AIPL1: variants seen among roughly 807,000 people sequenced by gnomAD.
AIPL1 encodes aryl-hydrocarbon-interacting protein-like 1.
Under a neutral mutation model 32.9 loss-of-function variants are expected in AIPL1, and 23 were observed. The observed-to-expected ratio is 0.70, with a 90% CI of 0.50 to 0.99. The LOEUF (loss-of-function observed/expected upper bound fraction) is 0.99. AIPL1 is among the 50% of genes least tolerant of loss of function. The probability of loss-of-function intolerance (pLI) is 0.00; values close to 1 mark genes in which losing one functional copy is unlikely to be tolerated. For synonymous variants in AIPL1, 210 were observed against 209.4 expected (o/e 1.00, Z -0.02); for missense variants, 485 against 506.0 (o/e 0.96, Z 0.40).
intron 2 of AIPL1, 66 bp downstream of exon 2, chr17:6,433,853 C>T (rs117325136): frequency 2.0e-5 from 32 of 1,563,984 alleles, no homozygotes; most frequent in Admixed American, 9.1e-5. Context: ...ACAGCAGCCC[C>T]GCAAAGCGGG....
intron 2 of AIPL1, among the ~76,000 whole-genome samples, chr17:6,428,895 G>A (rs1912278733): frequency 6.6e-6 from 1 of 152,128 alleles, no homozygotes. Context: ...TCTGCCCCAG[G>A]GAAACCCTGA....
At chr17:6,429,272 C>A (rs1055161783) in intron 2 of AIPL1, among the ~76,000 whole-genome samples, 1 of 152,190 alleles carries the variant, frequency 6.6e-6, no homozygotes, top group African/African-American at 2.4e-5. Context: ...GAGAACCCAT[C>A]TCCTTGGACC....
intron 1 of AIPL1, 25 bp from the exon 2 acceptor site, chr17:6,434,123 G>A (rs1169344395): frequency 6.2e-7 from 1 of 1,609,192 alleles, no homozygotes; most frequent in South Asian, 1.1e-5. Flanking sequence ...GGTGCACTCT[G>A]CTCTAGACAC....
Position 6,425,632 on chromosome 17 carries a change from C to T in AIPL1, c.983G>A (p.Ser328Asn). ...EERLRCRNML[S>N]QGATQPPAEP... ...TGCGGGAGGCTGCGTGGCACCCTGG[C>T]TCAGCATGTTCCGGCAGCGCAGCCG... Residue 328 changes from serine to asparagine, a missense_variant, in exon 6 of 6, where the codon AGC becomes AAC. Coordinates refer to ENST00000381129, the MANE Select transcript of AIPL1 (RefSeq NM_014336.5). 1.2e-6 allele frequency: 2 copies of T among 1,612,908 alleles called. No individual in the cohort carries two copies. Among genetic ancestry groups the T allele is most frequent in the Non-Finnish European group, 1.7e-6 (2 of 1,179,908 alleles).
In AIPL1 at chr17:6,423,866, C is replaced by T. The variant is rs1487700678; in HGVS notation, c.*1594G>A. Reference sequence around the variant, plus strand: ...ACAAGGAAGATGGAAAAGTAAAGTACATCAGAACTTTAGGGATACAGTTAG... The same window carrying T: ...ACAAGGAAGATGGAAAAGTAAAGTATATCAGAACTTTAGGGATACAGTTAG... On this transcript the variant is annotated 3_prime_UTR_variant, in exon 6 of 6. Transcript: ENST00000381129. 1.3e-5 allele frequency: 2 copies of T among 152,268 alleles called. No homozygotes were observed. The highest frequency in any genetic ancestry group is 4.8e-5 in the African/African-American group (2 of 41,464). 9.4% of individuals were successfully genotyped at this position (152,268 alleles called of 1,614,324 possible). A position where few individuals can be genotyped will look rare whatever the true frequency, so the allele number is the denominator to read the frequency against.
At chr17:6,433,563 C>T (rs1239524691) in intron 2 of AIPL1, among the ~76,000 whole-genome samples, 1 of 145,494 alleles carries the variant, frequency 6.9e-6, no homozygotes, top group African/African-American at 2.6e-5. Flanking sequence ...TGCACTCCAG[C>T]CTGGGTGACA....
chr17:6,428,459 G>T lies in AIPL1; in HGVS notation c.324C>A (p.Ala108=). ...GCCACTCTGTGGGGTCCTTGCCCTG[G>T]GCCATCTGCCTCAGGCTCCGGGATA... ...PILSRSLRQM[A]QGKDPTEWHV... is the part of the protein sequence containing the mutation. Residue 108 remains alanine, a synonymous_variant, in exon 3 of 6, where the codon GCC becomes GCA. Transcript: ENST00000381129. 6.2e-7 allele frequency: 1 copy of T among 1,614,008 alleles called. No homozygotes were observed. The highest frequency in any genetic ancestry group is 8.5e-7 in the Non-Finnish European group (1 of 1,180,042).
rs1367481239 is a variant in AIPL1, at chr17:6,427,002, T to G, written c.521A>C (p.Lys174Thr). ...RETWNLSNHE[K>T]MKAVPVLHGE... ...GTGGAGGACGGGCACCGCCTTCATC[T>G]TCTCATGATTGCTCAGGTTCCAGGT... is the stretch of plus-strand genomic sequence containing the variant. The change falls in exon 4 of 6, where the codon AAG (lysine) becomes ACG (threonine). Residue 174 changes from lysine (K) to threonine (T), a missense_variant. Physicochemically the swap from Lys to Thr is moderately conservative, Grantham distance 78 (BLOSUM62 -1). Coordinates refer to ENST00000381129, the MANE Select transcript of AIPL1 (RefSeq NM_014336.5). 6.2e-7 allele frequency: 1 copy of G among 1,614,220 alleles called. No individual in the cohort carries two copies. The highest frequency in any genetic ancestry group is 2.2e-5 in the East Asian group (1 of 44,872).
In AIPL1 at chr17:6,430,086, T is replaced by C. The variant is rs575974085; in HGVS notation, c.277-1580A>G. On this transcript the variant is annotated intron_variant, in intron 2 of 5. Transcript: ENST00000381129. ...GTGTGTGTGTGTGTGTGTGTGTGTG[T>C]GCATGCGTACATGCACACAATCACG... Among the ~76,000 whole-genome samples, 12 of 139,332 alleles carry C rather than the reference T, an allele frequency of 8.6e-5. No individual in the cohort carries two copies. The East Asian group carries it at 1.8e-3, about 20-fold the overall frequency. The allele number at this position is 139,332 out of a possible 152,430, so 91.4% of individuals were successfully genotyped here.
chr17:6,429,831 GATAGATAGATAGA>G (rs759862464), intron 2 of AIPL1, among the ~76,000 whole-genome samples: 4,352 of 117,178 alleles, frequency 0.037, 121 homozygotes, highest in South Asian at 0.12. Flanking sequence ...TAGGTAGATA[GATAGATAGATAGA>G]TAGATAGATA....
In AIPL1 at chr17:6,426,754, C is replaced by T. The variant is rs1297434866; in HGVS notation, c.645G>A (p.Glu215=). The change falls in exon 5 of 6, where the codon GAG becomes GAA. Residue 215 remains glutamate, a splice_region_variant and synonymous_variant. Coordinates refer to ENST00000381129, the MANE Select transcript of AIPL1 (RefSeq NM_014336.5). ...TCAGCCACTGCACCTCCCATGGCTT[C>T]TCCTGCCCAGGGAGAAGGTCAGCCA... is the stretch of plus-strand genomic sequence containing the variant. The part of the protein sequence containing the change: ...IICLRNLQTK[E]KPWEVQWLKL... 3 of 1,613,454 alleles carry T rather than the reference C, an allele frequency of 1.9e-6. No homozygotes were observed. Among genetic ancestry groups the T allele is most frequent in the Admixed American group, 1.7e-5 (1 of 60,002 alleles).
rs1442681009 is a variant in AIPL1 at position 6,434,023 on chromosome 17, G to A, written c.172C>T (p.Pro58Ser). Residue 58 changes from proline (P) to serine (S), a missense_variant, in exon 2 of 6, where the codon CCC (proline) becomes TCC (serine). Transcript: ENST00000381129. Reference sequence around the variant, plus strand: ...ATGTTTCCGATGATGATGTGCATGGGCTGGCCCACCTGCCGACTGTCGTCA... The same window carrying A: ...ATGTTTCCGATGATGATGTGCATGGACTGGCCCACCTGCCGACTGTCGTCA... Reference protein sequence around the residue: ...VIDDSRQVGQPMHIIIGNMFK... With the variant: ...VIDDSRQVGQSMHIIIGNMFK... 6.2e-7 allele frequency: 1 copy of A among 1,613,990 alleles called. No homozygotes were observed. The highest frequency in any genetic ancestry group is 8.5e-7 in the Non-Finnish European group (1 of 1,180,018).
intron 2 of AIPL1, among the ~76,000 whole-genome samples, chr17:6,432,437 C>T (rs992490929): frequency 1.3e-5 from 2 of 151,842 alleles, no homozygotes; most frequent in African/African-American, 2.4e-5. Context: ...ACTTGAGAGA[C>T]GCATCAACAA....
Position 6,425,471 on chromosome 17 carries a change from G to T in AIPL1, c.1144C>A (p.Leu382Met). 1 of 1,598,550 alleles carries T rather than the reference G, an allele frequency of 6.3e-7. No homozygotes were observed. The change falls in exon 6 of 6, where the codon CTG becomes ATG. Residue 382 changes from leucine (L) to methionine (M), a missense_variant. Coordinates refer to ENST00000381129, the MANE Select transcript of AIPL1 (RefSeq NM_014336.5). ...GGGCCTCAGGGGGCTCAGTGCTGCA[G>T]CGAGTGCCCTGGGGACGGGGGTGGC... ...TEPPPSPGHS[L>M]QH
rs1460234705 is a variant in AIPL1 at position 6,425,071 on chromosome 17, C to G, written c.*389G>C. Reference sequence around the variant, plus strand: ...GAGATGACCCCCAAATGTAACTATCCAAAATGGGGAGACAGGGAGGGGTAT... The same window carrying G: ...GAGATGACCCCCAAATGTAACTATCGAAAATGGGGAGACAGGGAGGGGTAT... On this transcript the variant is annotated 3_prime_UTR_variant, in exon 6 of 6. Coordinates refer to ENST00000381129, the MANE Select transcript of AIPL1 (RefSeq NM_014336.5). 1.8e-5 allele frequency: 3 copies of G among 167,784 alleles called. No homozygotes were observed. Among genetic ancestry groups the G allele is most frequent in the African/African-American group, 7.2e-5 (3 of 41,790 alleles). The allele number at this position is 167,784 out of a possible 1,614,324, so 10.4% of individuals were successfully genotyped here.
chr17:6,431,605 G>A (rs185474017), intron 2 of AIPL1, among the ~76,000 whole-genome samples: 1 of 152,316 alleles, frequency 6.6e-6, no homozygotes, highest in Admixed American at 6.5e-5. Flanking sequence ...GAATAGAGTA[G>A]CAGACAGAAG....
intron 2 of AIPL1, among the ~76,000 whole-genome samples, chr17:6,433,632 C>A (rs1422275311): frequency 6.6e-6 from 1 of 151,362 alleles, no homozygotes; most frequent in African/African-American, 2.4e-5. Flanking sequence ...CACACACACA[C>A]ACACACACAC....
chr17:6,431,663 C>G (rs1386002625), intron 2 of AIPL1, among the ~76,000 whole-genome samples: 2 of 152,142 alleles, frequency 1.3e-5, no homozygotes, highest in African/African-American at 4.8e-5. Flanking sequence ...GAACAGAGTT[C>G]AAATTGTCCC....
At chr17:6,428,906 C>T (rs1370551589) in intron 2 of AIPL1, among the ~76,000 whole-genome samples, 2 of 152,218 alleles carry the variant, frequency 1.3e-5, no homozygotes, top group African/African-American at 4.8e-5. Context: ...GAAACCCTGA[C>T]CTCTGCAAAG....
Sources: gnomAD v4.1 joint callset for allele counts (sites outside exome capture counted in the v4.1 genomes callset) on GRCh38, gnomAD v4.1.1 for gene constraint, MANE v1.5 for transcripts, NCBI Gene and HGNC (gene_info 2026-07-23, HGNC 2026-07-21) for gene names.